Variants in ARHGEF28 observed in about 807,000 individuals in gnomAD.
The protein encoded by ARHGEF28 is 190 kDa guanine nucleotide exchange factor.
A neutral mutation model predicts 206.6 loss-of-function variants in ARHGEF28; 152 were observed. The ratio of observed to expected loss-of-function variants is 0.74; its 90% CI spans 0.64 to 0.84. The LOEUF is 0.84. Among genes scored for constraint, ARHGEF28 ranks in the 40% least tolerant of loss-of-function variants. ARHGEF28 has a pLI of 0.00. For synonymous variants in ARHGEF28, 763 were observed against 776.4 expected, an observed-to-expected ratio of 0.98 and a Z score of 0.29; for missense variants, 2,028 against 2,073.2, an observed-to-expected ratio of 0.98 and a Z score of 0.42.
intron 2 of ARHGEF28, among the ~76,000 whole-genome samples, chr5:73,748,207 C>T (rs1751840155): frequency 6.6e-6 from 1 of 152,082 alleles, no homozygotes; most frequent in Admixed American, 6.5e-5. Flanking sequence ...TTCAGATCTC[C>T]TTCCTGAACT....
intron 3 of ARHGEF28, among the ~76,000 whole-genome samples, chr5:73,751,485 C>T (rs866964799): frequency 6.6e-6 from 1 of 152,156 alleles, no homozygotes; most frequent in East Asian, 1.9e-4. Context: ...TTTCCCTCTG[C>T]CCTTTTGCTC....
intron 35 of ARHGEF28, among the ~76,000 whole-genome samples, chr5:73,917,516 C>T (rs1195613591): frequency 6.6e-6 from 1 of 152,234 alleles, no homozygotes; most frequent in Non-Finnish European, 1.5e-5. Flanking sequence ...TTACTGCCAA[C>T]TTCCTGATTG....
At chr5:73,691,868 A>G (rs1288204065) in intron 2 of ARHGEF28, among the ~76,000 whole-genome samples, 3 of 152,168 alleles carry the variant, frequency 2.0e-5, no homozygotes, top group African/African-American at 4.8e-5. Context: ...TATTCACCAG[A>G]CATCCTGTCC....
intron 16 of ARHGEF28, among the ~76,000 whole-genome samples, chr5:73,860,152 C>T (rs1269697049): frequency 6.6e-6 from 1 of 152,180 alleles, no homozygotes; most frequent in Non-Finnish European, 1.5e-5. Flanking sequence ...TGGGTACGCG[C>T]AGAAATTAGT....
At position 73,904,388 on chromosome 5, in the gene ARHGEF28, C is replaced by T. The variant is rs1762439722; in HGVS notation, c.4144C>T (p.Leu1382Phe). 3.7e-6 allele frequency: 6 copies of T among 1,612,124 alleles called. No homozygotes were observed. Among genetic ancestry groups the T allele is most frequent in the African/African-American group, 1.3e-5 (1 of 74,894 alleles). Reference sequence around the variant, plus strand: ...ACAAGCCATACAGAATTTAACCCGTCTCTTATACAGCCTTCAGGTAACTAT... The same window carrying T: ...ACAAGCCATACAGAATTTAACCCGTTTCTTATACAGCCTTCAGGTAACTAT... ...IIQAIQNLTR[L>F]LYSLQAALTI... Residue 1382 changes from leucine to phenylalanine, a missense_variant, in exon 33 of 36, where the codon CTC becomes TTC. Physicochemically the swap from Leu to Phe is conservative, Grantham distance 22. Coordinates refer to ENST00000513042, the MANE Select transcript of ARHGEF28 (RefSeq NM_001177693.2).
At chr5:73,717,095 A>G (rs1749628569) in intron 2 of ARHGEF28, among the ~76,000 whole-genome samples, 1 of 152,162 alleles carries the variant, frequency 6.6e-6, no homozygotes, top group South Asian at 2.1e-4. Context: ...GAATCCTGAA[A>G]AATCCACCCA....
intron 2 of ARHGEF28, among the ~76,000 whole-genome samples, chr5:73,730,094 G>A (rs75600552): frequency 0.023 from 3,494 of 152,284 alleles, 75 homozygotes; most frequent in Non-Finnish European, 0.037. Context: ...TAAGGTTCAA[G>A]TTTAAATGTA....
rs539949837 is a variant in ARHGEF28 at position 73,677,151 on chromosome 5, C to T, written c.-11-7690C>T. The stretch of plus-strand genomic sequence containing the variant: ...GGAGTGGAGGGGAATAGAGAATGAT[C>T]GGGGAGGCAGTTGCTTGCGTAAGCT... On this transcript the variant is annotated intron_variant, in intron 1 of 35. Transcript: ENST00000513042. Among the ~76,000 whole-genome samples, 36 of 152,166 alleles carry T rather than the reference C, an allele frequency of 2.4e-4. No homozygotes were observed. In the South Asian group the frequency reaches 6.2e-3, roughly 26 times the overall value.
intron 35 of ARHGEF28, among the ~76,000 whole-genome samples, chr5:73,924,760 A>G (rs955988032): frequency 2.0e-5 from 3 of 152,192 alleles, no homozygotes; most frequent in African/African-American, 7.2e-5. Flanking sequence ...GGAAGGCACA[A>G]CTTTTCCCAA....
intron 7 of ARHGEF28, among the ~76,000 whole-genome samples, chr5:73,781,613 G>T (rs540377062): frequency 6.6e-6 from 1 of 152,144 alleles, no homozygotes. Context: ...GCATATTTTT[G>T]CATATTCCTG....
At chr5:73,665,004 G>A (rs909634321) in intron 1 of ARHGEF28, among the ~76,000 whole-genome samples, 1 of 152,096 alleles carries the variant, frequency 6.6e-6, no homozygotes, top group Admixed American at 6.6e-5. Context: ...CAGCACCAAG[G>A]CCTGTCCATT....
chr5:73,873,230 A>G lies in ARHGEF28; in HGVS notation c.2798A>G (p.Asp933Gly). The change falls in exon 22 of 36, where the codon GAT becomes GGT. Residue 933 changes from aspartate (D) to glycine (G), a missense_variant. This residue lies in a region of ARHGEF28 where 223 missense variants were observed against 289.9 expected (regional missense o/e 0.77). Transcript: ENST00000513042. ...AATTTTGTGATCGACCGAATTGGAG[A>G]TATTTTGGTACAACAGGTAAGAAGA... Reference protein sequence around the residue: ...DRNFVIDRIGDILVQQFSEEN... With the variant: ...DRNFVIDRIGGILVQQFSEEN... The G allele has an allele frequency of 6.2e-7, 1 of 1,610,590 alleles. No homozygotes were observed. Among genetic ancestry groups the G allele is most frequent in the South Asian group, 1.1e-5 (1 of 90,152 alleles).
Position 73,909,484 on chromosome 5 carries a change from C to A in ARHGEF28, c.4234C>A (p.Leu1412Ile), listed in dbSNP as rs768299335. ...TCTCCAGCAGCAGGAGGGCCTGTCT[C>A]TCGGCCACTCTATCCTCCGAGGCGG... ...LVLQQQEGLS[L>I]GHSILRGGPL... Residue 1412 changes from leucine (L) to isoleucine (I), a missense_variant, in exon 34 of 36, where the codon CTC becomes ATC. Physicochemically the swap from Leu to Ile is conservative, Grantham distance 5. Transcript: ENST00000513042. The A allele has an allele frequency of 4.7e-5, 76 of 1,612,342 alleles. 2 individuals are homozygous for A. In the South Asian group the frequency reaches 8.3e-4, roughly 18 times the overall value.
chr5:73,813,733 T>C (rs775924259), intron 9 of ARHGEF28: 1 of 1,497,924 alleles, frequency 6.7e-7, no homozygotes, highest in Non-Finnish European at 9.0e-7. Flanking sequence ...ATTCTTTCTT[T>C]TCCGTGTTTC....
intron 1 of ARHGEF28, among the ~76,000 whole-genome samples, chr5:73,682,039 G>C (rs931192997): frequency 4.6e-5 from 7 of 152,182 alleles, no homozygotes; most frequent in Non-Finnish European, 1.0e-4. Flanking sequence ...AACTATGATT[G>C]TGCTGCTGCA....
At chr5:73,802,345 A>G (rs1285084444) in intron 9 of ARHGEF28, among the ~76,000 whole-genome samples, 1 of 152,170 alleles carries the variant, frequency 6.6e-6, no homozygotes, top group Non-Finnish European at 1.5e-5. Flanking sequence ...ATTTACACTG[A>G]TGTCTTAAGG....
At chr5:73,703,671 G>GTGTGTGTC (rs377711723) in intron 2 of ARHGEF28, among the ~76,000 whole-genome samples, 1 of 151,632 alleles carries the variant, frequency 6.6e-6, no homozygotes, top group Non-Finnish European at 1.5e-5. Flanking sequence ...GTGTGTGTGT[G>GTGTGTGTC]TGTTATGAGT....
chr5:73,878,353 A>G (rs1348123456), intron 22 of ARHGEF28, among the ~76,000 whole-genome samples: 2 of 151,688 alleles, frequency 1.3e-5, no homozygotes, highest in Non-Finnish European at 2.9e-5. Context: ...AATACAGCAC[A>G]CTGATGAGTC....
intron 6 of ARHGEF28, chr5:73,778,076 TAAA>T (rs11378540): frequency 1.4e-5 from 2 of 140,658 alleles, no homozygotes; most frequent in Non-Finnish European, 3.1e-5. Context: ...AGACTCCGTC[TAAA>T]AAAAAAAAAA....
Sources: allele counts gnomAD v4.1 joint callset (sites outside exome capture counted in the v4.1 genomes callset), GRCh38; gene constraint gnomAD v4.1.1; regional missense constraint gnomAD v4.1.1; transcripts MANE v1.5; gene names NCBI Gene and HGNC (gene_info 2026-07-23, HGNC 2026-07-21).